ROPN1L: variants seen among roughly 807,000 people sequenced by gnomAD.
ROPN1L encodes the protein ropporin-1-like protein.
Under a neutral mutation model 22.7 loss-of-function variants are expected in ROPN1L, and 23 were observed. The observed-to-expected ratio is 1.01, with a 90% CI of 0.73 to 1.43. The LOEUF is 1.43. Among genes scored for constraint, ROPN1L ranks in the 40% most tolerant of loss-of-function variants. The pLI, the probability that ROPN1L is intolerant of heterozygous loss-of-function variation, is 0.00. For synonymous variants in ROPN1L, 116 were observed against 117.8 expected (o/e 0.98, Z 0.10); for missense variants, 271 against 291.5 (o/e 0.93, Z 0.51).
At chr5:10,464,355 C>T (rs1735110396) in intron 4 of ROPN1L, among the ~76,000 whole-genome samples, 1 of 152,220 alleles carries the variant, frequency 6.6e-6, no homozygotes, top group African/African-American at 2.4e-5. Context: ...CCCCAGCTCT[C>T]CTCCTGGTGC....
At chr5:10,457,480 C>T (rs1309385697) in intron 3 of ROPN1L, among the ~76,000 whole-genome samples, 6 of 152,220 alleles carry the variant, frequency 3.9e-5, no homozygotes, top group East Asian at 1.9e-4. Flanking sequence ...AGAGGCCCAC[C>T]GGCTGTGCTC....
intron 3 of ROPN1L, among the ~76,000 whole-genome samples, chr5:10,457,920 C>T (rs983584275): frequency 2.0e-5 from 3 of 152,096 alleles, no homozygotes; most frequent in African/African-American, 4.8e-5. Context: ...CAGCCACCTC[C>T]GTGGCTGCTG....
downstream of ROPN1L, among the ~76,000 whole-genome samples, chr5:10,467,823 T>C (rs1400955593): frequency 6.6e-6 from 1 of 152,210 alleles, no homozygotes; most frequent in Non-Finnish European, 1.5e-5. Context: ...AACACCTGTG[T>C]CGTCTCAGAG....
intron 3 of ROPN1L, among the ~76,000 whole-genome samples, chr5:10,456,036 A>G (rs1741411704): frequency 1.3e-5 from 2 of 152,372 alleles, no homozygotes; most frequent in Non-Finnish European, 2.9e-5. Flanking sequence ...GGGGCCTCAT[A>G]TCATCATGAG....
intron 3 of ROPN1L, among the ~76,000 whole-genome samples, chr5:10,453,317 C>T (rs911610088): frequency 2.0e-5 from 3 of 152,106 alleles, no homozygotes; most frequent in African/African-American, 7.2e-5. Flanking sequence ...GTTCAAACAC[C>T]TGTCTCGGGG....
intron 1 of ROPN1L, among the ~76,000 whole-genome samples, chr5:10,446,860 GC>G (rs1741083811): frequency 6.6e-6 from 1 of 152,078 alleles, no homozygotes; most frequent in Non-Finnish European, 1.5e-5. Context: ...TAGGAATGTG[GC>G]AAAACGAGGC....
intron 3 of ROPN1L, among the ~76,000 whole-genome samples, chr5:10,450,697 T>G (rs1302347264): frequency 6.6e-6 from 1 of 151,980 alleles, no homozygotes; most frequent in Non-Finnish European, 1.5e-5. Flanking sequence ...AGAGACGGGG[T>G]TTCTCCATGT....
chr5:10,473,566 C>G (rs1328869967), downstream of ROPN1L, among the ~76,000 whole-genome samples: 1 of 152,208 alleles, frequency 6.6e-6, no homozygotes, highest in African/African-American at 2.4e-5. Context: ...GAAATTGTTG[C>G]TGTTTGAAGC....
chr5:10,466,790 C>T (rs961913657), downstream of ROPN1L, among the ~76,000 whole-genome samples: 5 of 152,060 alleles, frequency 3.3e-5, no homozygotes, highest in African/African-American at 1.2e-4. Flanking sequence ...GCTGCCAGAA[C>T]GAAGCACCGG....
At chr5:10,451,080 G>A (rs1281630529) in intron 3 of ROPN1L, among the ~76,000 whole-genome samples, 3 of 152,228 alleles carry the variant, frequency 2.0e-5, no homozygotes, top group Non-Finnish European at 4.4e-5. Context: ...ATGAAGAAAG[G>A]AGGCAGAGAA....
chr5:10,479,937 T>C, the ROPN1L span, among the ~76,000 whole-genome samples: 3 of 152,110 alleles, frequency 2.0e-5, no homozygotes, highest in African/African-American at 7.2e-5. Context: ...AGAGACGGGG[T>C]TTCTCCATGT....
At chr5:10,464,092 C>T (rs193138682) in intron 4 of ROPN1L, among the ~76,000 whole-genome samples, 5 of 152,340 alleles carry the variant, frequency 3.3e-5, no homozygotes, top group Admixed American at 3.3e-4. Flanking sequence ...CCTGTCCCAG[C>T]CGTCCTCGTC....
intron 3 of ROPN1L, among the ~76,000 whole-genome samples, chr5:10,454,195 T>C (rs1741346335): frequency 1.3e-5 from 2 of 152,004 alleles, no homozygotes; most frequent in African/African-American, 4.8e-5. Context: ...GGCATGGTCA[T>C]AGCTCACTGC....
chr5:10,467,808 G>T (rs191374760), downstream of ROPN1L, among the ~76,000 whole-genome samples: 1 of 152,140 alleles, frequency 6.6e-6, no homozygotes, highest in African/African-American at 2.4e-5. Context: ...TCATGACACC[G>T]TCTGAACACC....
chr5:10,446,109 G>A (rs756964290), intron 1 of ROPN1L, among the ~76,000 whole-genome samples: 1 of 152,214 alleles, frequency 6.6e-6, no homozygotes, highest in African/African-American at 2.4e-5. Flanking sequence ...GTGCAGTTGT[G>A]CCTCACACAG....
chr5:10,471,582 G>C (rs1464640507), intron 4 of ROPN1L, among the ~76,000 whole-genome samples: 1 of 152,234 alleles, frequency 6.6e-6, no homozygotes, highest in African/African-American at 2.4e-5. Flanking sequence ...CCACAAGGGA[G>C]GGTGCAGGCC....
Position 10,441,946 on chromosome 5 carries a change from A to G in ROPN1L, c.-222A>G. 1 of 536,054 alleles carries G rather than the reference A, an allele frequency of 1.9e-6. No homozygotes were observed. The highest frequency in any genetic ancestry group is 2.0e-5 in the South Asian group (1 of 48,880). The allele number at this position is 536,054 out of a possible 1,614,324, so 33.2% of individuals were successfully genotyped here. A position where few individuals can be genotyped will look rare whatever the true frequency, so the allele number is the denominator to read the frequency against. ...CTGGCGCTAGGGAACTGCAGGGTCT[A>G]GGGTGTTGTCGGAGTGGCAGTTGGT... On this transcript the variant is annotated 5_prime_UTR_variant, in exon 1 of 5. Coordinates refer to ENST00000274134, the MANE Select transcript of ROPN1L (RefSeq NM_031916.5).
Position 10,450,095 on chromosome 5 carries a change from A to G in ROPN1L, c.399A>G (p.Gly133=), listed in dbSNP as rs1036392780. 1.9e-6 allele frequency: 3 copies of G among 1,613,640 alleles called. No homozygotes were observed. Among genetic ancestry groups the G allele is most frequent in the Non-Finnish European group, 2.5e-6 (3 of 1,179,846 alleles). The stretch of plus-strand genomic sequence containing the variant: ...AGTGGATAAACTTTTTAGCGCTTGG[A>G]TGCAGCATGCTTGGTGGGGTATGTA... ...KIKWINFLAL[G]CSMLGGSLNT... The change falls in exon 3 of 5, where the codon GGA becomes GGG. Residue 133 remains glycine (G), a synonymous_variant. Transcript: ENST00000274134.
chr5:10,441,950 T>C lies in ROPN1L; in HGVS notation c.-218T>C. ...CGCTAGGGAACTGCAGGGTCTAGGGTGTTGTCGGAGTGGCAGTTGGTCCGA... is the reference window on the plus strand; with the variant it reads ...CGCTAGGGAACTGCAGGGTCTAGGGCGTTGTCGGAGTGGCAGTTGGTCCGA... On this transcript the variant is annotated 5_prime_UTR_variant, in exon 1 of 5. Coordinates refer to ENST00000274134, the MANE Select transcript of ROPN1L (RefSeq NM_031916.5). The C allele has an allele frequency of 1.8e-6, 1 of 543,918 alleles. No homozygotes were observed. The highest frequency in any genetic ancestry group is 2.1e-5 in the South Asian group (1 of 48,730). 33.7% of individuals were successfully genotyped at this position (543,918 alleles called of 1,614,324 possible). A position where few individuals can be genotyped will look rare whatever the true frequency, so the allele number is the denominator to read the frequency against.
Sources: allele counts gnomAD v4.1 joint callset (sites outside exome capture counted in the v4.1 genomes callset), GRCh38; gene constraint gnomAD v4.1.1; transcripts MANE v1.5; gene names NCBI Gene and HGNC (gene_info 2026-07-23, HGNC 2026-07-21).